CAPS2: variants seen among roughly 807,000 people sequenced by gnomAD.
CAPS2 encodes calcyphosin-2.
A neutral mutation model predicts 86.5 loss-of-function variants in CAPS2; 98 were observed. The ratio of observed to expected loss-of-function variants is 1.13; its 90% CI spans 0.96 to 1.34. The LOEUF is 1.34. Ranked by LOEUF, CAPS2 falls within the 40% of genes most tolerant of loss-of-function variation. The pLI is 0.00. For missense variants in CAPS2, 729 were observed against 686.8 expected (o/e 1.06, Z -0.69); for synonymous variants, 210 against 225.1 (o/e 0.93, Z 0.60).
chr12:75,348,148 A>G (rs923231978), intron 1 of CAPS2, among the ~76,000 whole-genome samples: 2 of 152,180 alleles, frequency 1.3e-5, no homozygotes, highest in Non-Finnish European at 2.9e-5. Flanking sequence ...TCTTGCTGAT[A>G]ATTGCATATC....
intron 1 of CAPS2, among the ~76,000 whole-genome samples, chr12:75,341,554 C>T (rs1462524013): frequency 6.6e-6 from 1 of 152,090 alleles, no homozygotes; most frequent in Non-Finnish European, 1.5e-5. Flanking sequence ...TCACGCCATT[C>T]TCCTGCCTCA....
chr12:75,348,863 C>T lies in CAPS2; in HGVS notation c.-394-25641G>A, dbSNP rs555461387. The stretch of plus-strand genomic sequence containing the variant: ...CACTGGCTATAATACAACAAAGGGC[C>T]GTGATCTCTGAAAAATAACAACAAA... On this transcript the variant is annotated intron_variant, in intron 1 of 5. Coordinates refer to the CAPS2 transcript ENST00000551829. Among the ~76,000 whole-genome samples, 16 of 152,022 alleles carry T rather than the reference C, an allele frequency of 1.1e-4. 1 individual carries two copies. The highest frequency in any genetic ancestry group is 5.9e-4 in the Admixed American group (9 of 15,260).
chr12:75,299,772 C>G (rs2037499259), intron 9 of CAPS2, 65 bp downstream of exon 9: 1 of 769,898 alleles, frequency 1.3e-6, no homozygotes, highest in Non-Finnish European at 2.1e-6. Context: ...ACTGTCATTT[C>G]TATTCAAAAA....
rs141752193 is a variant in CAPS2 at position 75,358,737 on chromosome 12, T to C, written c.-395+32101A>G. ...CCATATATATAATATATTATATATA[T>C]GGTTTAAATATATATAATATATTAT... On this transcript the variant is annotated intron_variant, in intron 1 of 5. Coordinates refer to the CAPS2 transcript ENST00000551829. Among the ~76,000 whole-genome samples the C allele has an allele frequency of 9.3e-3, 1,295 of 139,332 alleles. 13 individuals carry two copies. The highest frequency in any genetic ancestry group is 0.015 in the Non-Finnish European group (996 of 64,872). 91.4% of individuals were successfully genotyped at this position (139,332 alleles called of 152,430 possible).
At chr12:75,321,272 C>A in intron 5 of CAPS2, 128 bp downstream of exon 5, 1 of 604,560 alleles carries the variant, frequency 1.7e-6, no homozygotes, top group Admixed American at 3.4e-5. Context: ...CCTTGATATG[C>A]AGAAATAAAT....
intron 1 of CAPS2, among the ~76,000 whole-genome samples, chr12:75,379,853 TA>T (rs35309353): frequency 0.42 from 47,182 of 111,850 alleles, 8,940 homozygotes; most frequent in Admixed American, 0.48. Context: ...TCCCTATCAG[TA>T]AAAAAAAAAA....
At chr12:75,360,941 T>C (rs78559089) in intron 1 of CAPS2, 5,849 of 152,276 alleles carry the variant, frequency 0.038, 130 homozygotes, top group East Asian at 0.052. Flanking sequence ...CCCAACACTG[T>C]TGCAGTCTTT....
intron 1 of CAPS2, chr12:75,359,933 G>C (rs1177293066): frequency 6.6e-6 from 1 of 152,084 alleles, no homozygotes; most frequent in Non-Finnish European, 1.5e-5. Flanking sequence ...CATAGCTAGG[G>C]AGGCCTCAGA....
At chr12:75,316,281 C>T (rs2138892174) in intron 6 of CAPS2, 31 bp downstream of exon 6, 2 of 1,548,252 alleles carry the variant, frequency 1.3e-6, no homozygotes, top group Non-Finnish European at 1.7e-6. Flanking sequence ...ATTAATGGCT[C>T]ACCAAATAAG....
exon 9 of CAPS2, chr12:75,299,889 T>G (rs760497161): frequency 6.6e-7 from 1 of 1,515,822 alleles, no homozygotes; most frequent in Non-Finnish European, 9.0e-7. Context: ...ACATTTTCAG[T>G]TAATGTAGAA....
chr12:75,349,119 A>AT (rs1181183533), intron 1 of CAPS2, among the ~76,000 whole-genome samples: 1 of 152,178 alleles, frequency 6.6e-6, no homozygotes, highest in Non-Finnish European at 1.5e-5. Context: ...TAGAGTATTG[A>AT]TTAACACATG....
At chr12:75,327,556 T>A (rs189477386), upstream of CAPS2, among the ~76,000 whole-genome samples, 124 of 152,112 alleles carry the variant, frequency 8.2e-4, no homozygotes, top group African/African-American at 2.9e-3. Context: ...ATTTTAATAG[T>A]AAATTATTTC....
At chr12:75,340,374 G>A (rs1456345505) in intron 1 of CAPS2, among the ~76,000 whole-genome samples, 1 of 151,594 alleles carries the variant, frequency 6.6e-6, no homozygotes, top group Non-Finnish European at 1.5e-5. Context: ...AAGAAATGGT[G>A]TTGAAACACC....
intron 1 of CAPS2, among the ~76,000 whole-genome samples, chr12:75,385,452 G>A (rs2045241556): frequency 6.6e-6 from 1 of 152,008 alleles, no homozygotes; most frequent in African/African-American, 2.4e-5. Flanking sequence ...AAACTTCCCT[G>A]AGATATTGAT....
intron 1 of CAPS2, among the ~76,000 whole-genome samples, chr12:75,356,279 C>A (rs2043150425): frequency 1.3e-5 from 2 of 152,054 alleles, no homozygotes; most frequent in African/African-American, 4.8e-5. Flanking sequence ...CACAGAAAAT[C>A]TTTTAAAAAT....
At chr12:75,328,528 G>A (rs923264857), upstream of CAPS2, among the ~76,000 whole-genome samples, 3 of 152,054 alleles carry the variant, frequency 2.0e-5, no homozygotes, top group Non-Finnish European at 2.9e-5. Flanking sequence ...GAAGGTTGGC[G>A]TCTCCCACCC....
At chr12:75,319,163 T>G (rs1009716891) in intron 5 of CAPS2, among the ~76,000 whole-genome samples, 2 of 152,158 alleles carry the variant, frequency 1.3e-5, no homozygotes, top group Non-Finnish European at 2.9e-5. Context: ...ATTTATCACC[T>G]TTTATAGTAA....
intron 1 of CAPS2, among the ~76,000 whole-genome samples, chr12:75,386,871 C>A (rs760895443): frequency 8.8e-4 from 132 of 149,934 alleles, no homozygotes; most frequent in Non-Finnish European, 1.6e-3. Context: ...GAAAAAAAAA[C>A]CAGTCTAAGC....
chr12:75,382,455 C>A, intron 1 of CAPS2, among the ~76,000 whole-genome samples: 1 of 152,034 alleles, frequency 6.6e-6, no homozygotes, highest in East Asian at 1.9e-4. Context: ...GCCTGGCCAA[C>A]ATGGTGAAAC....
Sources: gnomAD v4.1 joint callset for allele counts (sites outside exome capture counted in the v4.1 genomes callset) on GRCh38, gnomAD v4.1.1 for gene constraint, MANE v1.5 for transcripts, NCBI Gene and HGNC (gene_info 2026-07-23, HGNC 2026-07-21) for gene names.